The following MTA3 variants were observed in gnomAD, a reference collection of about 807,000 sequenced individuals.
MTA3 encodes metastasis associated 1 family member 3.
MTA3 carries 34 observed loss-of-function variants against 83.5 expected under a neutral mutation model. The observed-to-expected ratio is 0.41, with a 90% CI of 0.31 to 0.54. The LOEUF is 0.54. Ranked by LOEUF, MTA3 falls within the 20% of genes least tolerant of loss-of-function variation. MTA3 has a pLI of 0.33. For missense variants in MTA3, 761 were observed against 726.4 expected (o/e 1.05, Z -0.55); for synonymous variants, 303 against 252.7 (o/e 1.20, Z -1.89).
intron 2 of MTA3, among the ~76,000 whole-genome samples, chr2:42,542,935 C>T (rs1676588069): frequency 6.6e-6 from 1 of 152,046 alleles, no homozygotes; most frequent in Non-Finnish European, 1.5e-5. Flanking sequence ...CAACCAGAAA[C>T]ACATCAATCC....
intron 5 of MTA3, among the ~76,000 whole-genome samples, chr2:42,643,034 T>TCTC (rs1687836430): frequency 1.6e-5 from 2 of 123,534 alleles, no homozygotes; most frequent in African/African-American, 6.0e-5. Context: ...TATTGGTGTC[T>TCTC]CCCCCCCCCC....
At chr2:42,644,534 G>C (rs927641126) in intron 6 of MTA3, among the ~76,000 whole-genome samples, 1 of 152,074 alleles carries the variant, frequency 6.6e-6, no homozygotes, top group Non-Finnish European at 1.5e-5. Flanking sequence ...TCCAATTTTA[G>C]AATTACAAAA....
chr2:42,644,290 T>G (rs1687960105), intron 6 of MTA3, 46 bp downstream of exon 6: 1 of 1,316,148 alleles, frequency 7.6e-7, no homozygotes, highest in Non-Finnish European at 1.1e-6. Flanking sequence ...AAATATATCT[T>G]GAAACTCAAA....
At chr2:42,605,762 G>C (rs1466385261) in intron 3 of MTA3, among the ~76,000 whole-genome samples, 6 of 122,248 alleles carry the variant, frequency 4.9e-5, no homozygotes, top group Non-Finnish European at 5.2e-5. Context: ...CGGGCAGAGG[G>C]GCTCCTCACT....
chr2:42,563,969 G>A (rs781500950), upstream of MTA3, among the ~76,000 whole-genome samples: 8 of 152,200 alleles, frequency 5.3e-5, no homozygotes, highest in South Asian at 2.1e-4. Context: ...AATTACAGGC[G>A]TGTGCCACCA....
At chr2:42,616,470 A>T (rs1684903413) in intron 4 of MTA3, among the ~76,000 whole-genome samples, 1 of 145,194 alleles carries the variant, frequency 6.9e-6, no homozygotes, top group Non-Finnish European at 1.5e-5. Flanking sequence ...TCCTACAGCC[A>T]TTCAGGATTT....
chr2:42,642,786 AGGTG>A (rs1322205324), intron 5 of MTA3, among the ~76,000 whole-genome samples: 21 of 10,500 alleles, frequency 2.0e-3, no homozygotes, highest in African/African-American at 3.9e-3. Context: ...CTGGGATTAC[AGGTG>A]CCTGCCACCA....
At chr2:42,746,019 AG>A (rs899824056) in intron 16 of MTA3, among the ~76,000 whole-genome samples, 1 of 151,408 alleles carries the variant, frequency 6.6e-6, no homozygotes, top group African/African-American at 2.4e-5. Context: ...TCACCATGTT[AG>A]CCAGGATGGT....
Position 42,609,555 on chromosome 2 carries a change from G to C in MTA3, c.288G>C (p.Gln96His). ...ATAGGGAACTCTTTTTGTCACGCCAGTATGAATCTCTGCCCGCAACACATA... is the reference window on the plus strand; with the variant it reads ...ATAGGGAACTCTTTTTGTCACGCCACTATGAATCTCTGCCCGCAACACATA... ...LKHRELFLSR[Q>H]YESLPATHIR... The change falls in exon 4 of 17, where the codon CAG (glutamine) becomes CAC (histidine). Residue 96 changes from glutamine to histidine, a missense_variant. Coordinates refer to ENST00000405094, the MANE Select transcript of MTA3 (RefSeq NM_001330442.2). 6.2e-7 allele frequency: 1 copy of C among 1,613,826 alleles called. No homozygotes were observed.
At position 42,756,456 on chromosome 2, in the gene MTA3, G is replaced by C. The variant is rs368563088; in HGVS notation, c.*3057G>C. On this transcript the variant is annotated 3_prime_UTR_variant, in exon 17 of 17. Coordinates refer to ENST00000405094, the MANE Select transcript of MTA3 (RefSeq NM_001330442.2). ...GCCACTCAGAGCAGAGCAGGGGGCT[G>C]AGGGCAAGCAGGTGGGGCTGTGCGT... The C allele has an allele frequency of 1.0e-6, 1 of 985,538 alleles. No individual in the cohort carries two copies. The allele number at this position is 985,538 out of a possible 1,614,324, so 61.0% of individuals were successfully genotyped here.
chr2:42,677,335 TA>T (rs1041587207), intron 8 of MTA3, among the ~76,000 whole-genome samples: 7 of 151,900 alleles, frequency 4.6e-5, no homozygotes, highest in South Asian at 4.2e-4. Context: ...AGATCTGATT[TA>T]TTTTTTTTTT....
At chr2:42,526,796 C>T (rs574158007) in intron 2 of MTA3, among the ~76,000 whole-genome samples, 1 of 152,176 alleles carries the variant, frequency 6.6e-6, no homozygotes, top group African/African-American at 2.4e-5. Context: ...TGGCTCACGC[C>T]TGTAATCCCA....
intron 16 of MTA3, among the ~76,000 whole-genome samples, chr2:42,745,114 C>T (rs532549040): frequency 2.6e-5 from 4 of 152,308 alleles, no homozygotes; most frequent in South Asian, 4.1e-4. Context: ...TTTCCTCTAT[C>T]AGCCAGATAT....
At chr2:42,536,198 G>T (rs968028146) in intron 2 of MTA3, among the ~76,000 whole-genome samples, 4 of 151,882 alleles carry the variant, frequency 2.6e-5, no homozygotes, top group African/African-American at 9.7e-5. Context: ...GTTAGGCTGG[G>T]CGCAGTTGCT....
chr2:42,501,624 C>A (rs1473693413), intron 2 of MTA3, among the ~76,000 whole-genome samples: 1 of 152,148 alleles, frequency 6.6e-6, no homozygotes, highest in African/African-American at 2.4e-5. Context: ...TGCAGCGAGA[C>A]AAAGTGAGGC....
chr2:42,696,817 C>T (rs1316450512), intron 10 of MTA3, among the ~76,000 whole-genome samples: 3 of 152,102 alleles, frequency 2.0e-5, no homozygotes, highest in African/African-American at 7.2e-5. Context: ...ATACTCATGG[C>T]TTGTTGAAAA....
intron 2 of MTA3, among the ~76,000 whole-genome samples, chr2:42,521,470 G>C (rs923538179): frequency 1.3e-5 from 2 of 152,184 alleles, no homozygotes; most frequent in Non-Finnish European, 2.9e-5. Flanking sequence ...AAGTCATTAA[G>C]TTTTGGGGTA....
At chr2:42,532,739 T>C in intron 2 of MTA3, 1 of 90,370 alleles carries the variant, frequency 1.1e-5, no homozygotes, top group Middle Eastern at 4.3e-3. Context: ...AATCCAGAGG[T>C]TTTTTTTTTT....
At chr2:42,747,897 A>G (rs893111638) in intron 16 of MTA3, among the ~76,000 whole-genome samples, 11 of 152,016 alleles carry the variant, frequency 7.2e-5, no homozygotes, top group Non-Finnish European at 1.3e-4. Context: ...AATAAACTTA[A>G]TCATCACCCC....
Sources: allele counts gnomAD v4.1 joint callset (sites outside exome capture counted in the v4.1 genomes callset), GRCh38; gene constraint gnomAD v4.1.1; transcripts MANE v1.5; gene names NCBI Gene and HGNC (gene_info 2026-07-23, HGNC 2026-07-21).